USP32: variants seen among roughly 807,000 people sequenced by gnomAD.
USP32 encodes ubiquitin specific peptidase 32, also known as ubiquitin carboxyl-terminal hydrolase 32.
A neutral mutation model predicts 204.8 loss-of-function variants in USP32; 59 were observed. The observed-to-expected ratio is 0.29, with a 90% CI of 0.23 to 0.36. The LOEUF (loss-of-function observed/expected upper bound fraction) is 0.36, where lower values mean the gene tolerates loss of function less well. USP32 is among the 10% of genes least tolerant of loss of function. The probability of loss-of-function intolerance (pLI) is 1.00; values close to 1 mark genes in which losing one functional copy is unlikely to be tolerated. For missense variants in USP32, 1,160 were observed against 1,946.4 expected (o/e 0.60, Z 7.60); for synonymous variants, 517 against 678.4 (o/e 0.76, Z 3.70).
intron 2 of USP32, among the ~76,000 whole-genome samples, chr17:60,337,769 A>C (rs1237981055): frequency 6.6e-6 from 1 of 151,748 alleles, no homozygotes; most frequent in Non-Finnish European, 1.5e-5. Flanking sequence ...TGTCCCACCT[A>C]CTTGGGAGGC....
chr17:60,411,774 T>G lies in USP32; in HGVS notation c.106+10472A>C, dbSNP rs115876198. 3.2e-3 allele frequency among the ~76,000 whole-genome samples: 493 copies of G among 152,204 alleles called. 2 individuals carry two copies. Among genetic ancestry groups the G allele is most frequent in the African/African-American group, 0.011 (476 of 41,560 alleles). On this transcript the variant is annotated intron_variant, in intron 1 of 3. Coordinates refer to the USP32 transcript ENST00000588898. ...TTTGTGTCTCGCTTATTTCACTTAG[T>G]AGAGTTTTTAAGATTCATTTATGTT...
intron 1 of USP32, among the ~76,000 whole-genome samples, chr17:60,356,950 G>A (rs1340097900): frequency 2.0e-5 from 3 of 152,118 alleles, no homozygotes; most frequent in African/African-American, 7.2e-5. Context: ...ACCAAATGGA[G>A]AATATCAATA....
intron 1 of USP32, among the ~76,000 whole-genome samples, chr17:60,376,904 T>C (rs1014396500): frequency 1.3e-5 from 2 of 152,190 alleles, no homozygotes; most frequent in African/African-American, 4.8e-5. Flanking sequence ...TATATGAAGT[T>C]ATAAAATGCC....
At chr17:60,362,296 T>C (rs913104514) in intron 1 of USP32, among the ~76,000 whole-genome samples, 4 of 152,226 alleles carry the variant, frequency 2.6e-5, no homozygotes, top group Admixed American at 6.5e-5. Context: ...ATCTGTATGT[T>C]GTACAACAAA....
Position 60,181,530 on chromosome 17 carries a change from C to G in USP32, c.4342G>C (p.Gly1448Arg). The change falls in exon 32 of 34, where the codon GGG becomes CGG. Residue 1448 changes from glycine to arginine, a missense_variant. Physicochemically the swap from Gly to Arg is moderately radical, Grantham distance 125. Coordinates refer to ENST00000300896, the MANE Select transcript of USP32 (RefSeq NM_032582.4). ...GGTTGGCTGCCCCCCAGCACATGCCCTCGACTCAAGGCGTCAGCCAGCTCA... is the reference window on the plus strand; with the variant it reads ...GGTTGGCTGCCCCCCAGCACATGCCGTCGACTCAAGGCGTCAGCCAGCTCA... ...ICELADALSR[G>R]HVLGGSQPEL... is the part of the protein sequence containing the mutation. The G allele has an allele frequency of 1.2e-6, 2 of 1,614,014 alleles. No homozygotes were observed. The highest frequency in any genetic ancestry group is 1.7e-6 in the Non-Finnish European group (2 of 1,179,882).
intron 2 of USP32, among the ~76,000 whole-genome samples, chr17:60,335,220 A>G (rs1209481204): frequency 7.0e-6 from 1 of 142,204 alleles, no homozygotes; most frequent in Non-Finnish European, 1.5e-5. Flanking sequence ...GCAATCCTTG[A>G]GATTCCGAAA....
intron 2 of USP32, among the ~76,000 whole-genome samples, chr17:60,308,575 G>T (rs186168806): frequency 6.6e-5 from 10 of 152,268 alleles, no homozygotes; most frequent in African/African-American, 1.7e-4. Context: ...AAATACAATG[G>T]GGGAAAGAAC....
intron 13 of USP32, among the ~76,000 whole-genome samples, chr17:60,224,869 G>A (rs2085343714): frequency 6.6e-6 from 1 of 152,038 alleles, no homozygotes; most frequent in African/African-American, 2.4e-5. Flanking sequence ...AATTCAGCTG[G>A]GCCATAGAAA....
chr17:60,374,869 C>T (rs1169332908), intron 1 of USP32, among the ~76,000 whole-genome samples: 2 of 152,194 alleles, frequency 1.3e-5, no homozygotes, highest in East Asian at 3.8e-4. Context: ...TTAACCAAAA[C>T]ATCATCATGC....
chr17:60,255,298 CTT>C (rs747340163), intron 9 of USP32, 40 bp from the exon 10 acceptor site: 29,170 of 1,061,542 alleles, frequency 0.027, no homozygotes, highest in East Asian at 0.031. Flanking sequence ...TCTTTTTTTT[CTT>C]TTTTTTTTTT....
intron 29 of USP32, among the ~76,000 whole-genome samples, chr17:60,189,332 A>G (rs1213633464): frequency 2.0e-5 from 3 of 152,240 alleles, no homozygotes; most frequent in African/African-American, 7.2e-5. Context: ...TAGAATTGGT[A>G]GTTTCCCCAG....
At chr17:60,283,206 T>C (rs2087015042) in intron 5 of USP32, among the ~76,000 whole-genome samples, 1 of 152,290 alleles carries the variant, frequency 6.6e-6, no homozygotes, top group Non-Finnish European at 1.5e-5. Context: ...GTGATGTATA[T>C]AGTGTAGCTA....
At chr17:60,373,115 C>T (rs1294419159) in intron 1 of USP32, among the ~76,000 whole-genome samples, 1 of 152,106 alleles carries the variant, frequency 6.6e-6, no homozygotes, top group African/African-American at 2.4e-5. Context: ...ATCTCTTGAG[C>T]CCAGGAGCTC....
intron 27 of USP32, among the ~76,000 whole-genome samples, chr17:60,197,238 T>A (rs146208027): frequency 1.0e-3 from 158 of 152,098 alleles, no homozygotes; most frequent in African/African-American, 3.6e-3. Flanking sequence ...ATACCCCATA[T>A]CATAACAAAT....
intron 1 of USP32, among the ~76,000 whole-genome samples, chr17:60,352,054 T>C (rs2088963140): frequency 6.6e-6 from 1 of 152,160 alleles, no homozygotes; most frequent in South Asian, 2.1e-4. Context: ...GTACAGGGTA[T>C]AAGAAGCAGA....
chr17:60,391,899 T>C lies in USP32; in HGVS notation c.41A>G (p.Glu14Gly). The C allele has an allele frequency of 6.3e-7, 1 of 1,587,432 alleles. No individual in the cohort carries two copies. ...KESRIGFLSY[E>G]EALRRVTDVE... is the part of the protein sequence containing the mutation. ...CCCCTCACCTCTCCTCAGCGCCTCC[T>C]CGTAGCTGAGGAATCCGATCCGTGA... Residue 14 changes from glutamate to glycine, a missense_variant, in exon 1 of 34, where the codon GAG becomes GGG. Glu to Gly is a moderately conservative substitution (Grantham distance 98). This residue lies in a region of USP32 where 536 missense variants were observed against 680.9 expected (regional missense o/e 0.79). Transcript: ENST00000300896.
chr17:60,235,867 T>A (rs996054580), intron 12 of USP32, among the ~76,000 whole-genome samples: 2 of 152,160 alleles, frequency 1.3e-5, no homozygotes, highest in African/African-American at 4.8e-5. Flanking sequence ...ATAAATGAGA[T>A]GTGATGTATG....
chr17:60,228,490 TTTTTC>T (rs1322807652), intron 12 of USP32, among the ~76,000 whole-genome samples: 2 of 145,642 alleles, frequency 1.4e-5, no homozygotes, highest in East Asian at 3.9e-4. Flanking sequence ...TTAGGTTTCT[TTTTTC>T]TTTTTCTTTT....
intron 26 of USP32, among the ~76,000 whole-genome samples, chr17:60,199,526 A>G (rs1409312747): frequency 6.6e-6 from 1 of 152,196 alleles, no homozygotes; most frequent in Non-Finnish European, 1.5e-5. Flanking sequence ...TTGAACATTT[A>G]ATTCCCTAAG....
Sources: gnomAD v4.1 joint callset for allele counts (sites outside exome capture counted in the v4.1 genomes callset) on GRCh38, gnomAD v4.1.1 for gene constraint, gnomAD v4.1.1 regional missense constraint, MANE v1.5 for transcripts, NCBI Gene and HGNC (gene_info 2026-07-23, HGNC 2026-07-21) for gene names.